Variants in SDCCAG8 observed in about 807,000 individuals in gnomAD.
SDCCAG8 encodes the protein SHH signaling and ciliogenesis regulator SDCCAG8, also known as serologically defined colon cancer antigen 8.
A neutral mutation model predicts 101.8 loss-of-function variants in SDCCAG8; 74 were observed. The observed-to-expected ratio is 0.73, with a 90% confidence interval of 0.60 to 0.88. SDCCAG8 has a LOEUF of 0.88. Among genes scored for constraint, SDCCAG8 ranks in the 40% least tolerant of loss-of-function variants. The pLI is 0.00. For synonymous variants in SDCCAG8, 281 were observed against 292.9 expected, an observed-to-expected ratio of 0.96 and a Z score of 0.41; for missense variants, 787 against 822.6, an observed-to-expected ratio of 0.96 and a Z score of 0.53.
intron 13 of SDCCAG8, among the ~76,000 whole-genome samples, chr1:243,389,987 T>C (rs1558400189): frequency 6.6e-6 from 1 of 152,212 alleles, no homozygotes; most frequent in Non-Finnish European, 1.5e-5. Context: ...TAAAGTTCCC[T>C]TTGCTCTTTA....
chr1:243,418,067 A>G lies in SDCCAG8; in HGVS notation c.1844A>G (p.Gln615Arg), dbSNP rs2080726764. The change falls in exon 15 of 18, where the codon CAA becomes CGA. Residue 615 changes from glutamine (Q) to arginine (R), a missense_variant. By Grantham distance (43) the Gln-to-Arg change is conservative. Transcript: ENST00000366541. ...GCCAAGAAACTGGAACAAATCTCTC[A>G]AAAAACCAGGTAGGTGATGTTATAG... Reference protein sequence around the residue: ...TLAKKLEQISQKTRSEIAQLS... With the variant: ...TLAKKLEQISRKTRSEIAQLS... The G allele has an allele frequency of 6.2e-7, 1 of 1,607,236 alleles. No individual in the cohort carries two copies. The highest frequency in any genetic ancestry group is 1.7e-5 in the Admixed American group (1 of 59,934).
At chr1:243,468,604 T>A (rs890317975) in intron 16 of SDCCAG8, among the ~76,000 whole-genome samples, 4 of 152,190 alleles carry the variant, frequency 2.6e-5, no homozygotes, top group African/African-American at 9.6e-5. Flanking sequence ...GGAGGATCAC[T>A]TGAGCCCAGG....
chr1:243,381,597 A>G (rs1193466118), intron 13 of SDCCAG8, among the ~76,000 whole-genome samples: 1 of 152,180 alleles, frequency 6.6e-6, no homozygotes, highest in African/African-American at 2.4e-5. Flanking sequence ...TCTAAAAAAA[A>G]AAAATGGAAA....
At chr1:243,350,900 C>T (rs1404706436) in intron 12 of SDCCAG8, among the ~76,000 whole-genome samples, 1 of 152,196 alleles carries the variant, frequency 6.6e-6, no homozygotes, top group Admixed American at 6.5e-5. Context: ...CTGGAAGCGT[C>T]CTAGAAAGAC....
At chr1:243,446,505 A>G (rs939261194) in intron 16 of SDCCAG8, among the ~76,000 whole-genome samples, 16 of 152,224 alleles carry the variant, frequency 1.1e-4, no homozygotes, top group Non-Finnish European at 1.8e-4. Flanking sequence ...GGCTCAAGCC[A>G]TCTGCCCACC....
chr1:243,437,174 G>A (rs1267177906), intron 16 of SDCCAG8, among the ~76,000 whole-genome samples: 1 of 152,110 alleles, frequency 6.6e-6, no homozygotes, highest in Non-Finnish European at 1.5e-5. Context: ...TGTGTTTGTT[G>A]CTTTGCCTTA....
chr1:243,490,001 C>T (rs938939337), intron 17 of SDCCAG8, among the ~76,000 whole-genome samples: 1 of 152,186 alleles, frequency 6.6e-6, no homozygotes, highest in African/African-American at 2.4e-5. Context: ...GTGGGCTGAC[C>T]AAGGCCTCCG....
At chr1:243,487,658 A>G (rs548609091) in intron 16 of SDCCAG8, among the ~76,000 whole-genome samples, 6 of 152,270 alleles carry the variant, frequency 3.9e-5, no homozygotes, top group Admixed American at 3.9e-4. Context: ...TGCGGGCAGC[A>G]GGAGGCCCTT....
At chr1:243,363,652 C>T (rs560018174) in intron 12 of SDCCAG8, among the ~76,000 whole-genome samples, 1 of 152,316 alleles carries the variant, frequency 6.6e-6, no homozygotes, top group East Asian at 1.9e-4. Context: ...TTGTCCTAAT[C>T]ATTTACCCTA....
chr1:243,293,250 T>C, intron 6 of SDCCAG8, 31 bp downstream of exon 6: 1 of 1,602,486 alleles, frequency 6.2e-7, no homozygotes, highest in Non-Finnish European at 8.5e-7. Flanking sequence ...CTCTTATACA[T>C]CTTTTTTTTC....
intron 13 of SDCCAG8, among the ~76,000 whole-genome samples, chr1:243,381,365 A>T (rs1391953715): frequency 6.6e-6 from 1 of 152,064 alleles, no homozygotes; most frequent in East Asian, 1.9e-4. Context: ...AAGACAGGGG[A>T]ATCACTTGAG....
intron 12 of SDCCAG8, among the ~76,000 whole-genome samples, chr1:243,362,905 G>T (rs1158189716): frequency 6.6e-6 from 1 of 152,192 alleles, no homozygotes; most frequent in Non-Finnish European, 1.5e-5. Flanking sequence ...GCACGCATCT[G>T]CTGACCTACA....
chr1:243,485,044 A>C (rs941386684), intron 16 of SDCCAG8, among the ~76,000 whole-genome samples: 2 of 121,814 alleles, frequency 1.6e-5, no homozygotes, highest in African/African-American at 6.7e-5. Flanking sequence ...ACTCCATCTC[A>C]AAAAAAAAAA....
rs895243746 is a variant in SDCCAG8 at position 243,312,298 on chromosome 1, C to T, written c.929+4121C>T. ...AACATGGAATGTTTAAAAATGATAC[C>T]TTAAATATGATAAATCAAAAGTTTC... On this transcript the variant is annotated intron_variant, in intron 8 of 17. Transcript: ENST00000366541. Among the ~76,000 whole-genome samples the T allele has an allele frequency of 6.6e-5, 10 of 152,178 alleles. 1 individual carries two copies.
Position 243,315,158 on chromosome 1 carries a change from T to G in SDCCAG8, c.930-1597T>G, listed in dbSNP as rs151253694. Among the ~76,000 whole-genome samples, 217 of 152,342 alleles carry G rather than the reference T, an allele frequency of 1.4e-3. 1 individual carries two copies. The highest frequency in any genetic ancestry group is 5.0e-3 in the African/African-American group (208 of 41,584). On this transcript the variant is annotated intron_variant, in intron 8 of 17. Transcript: ENST00000366541. ...TGACTGTAAGATGCCTATATTGACT[T>G]GCTGTCCTTAAAGAGTGAATTTTTC...
intron 11 of SDCCAG8, among the ~76,000 whole-genome samples, chr1:243,343,734 A>G (rs1383473017): frequency 1.3e-5 from 2 of 152,238 alleles, no homozygotes; most frequent in Non-Finnish European, 2.9e-5. Flanking sequence ...TATCAATAGT[A>G]TATCTATCAG....
intron 16 of SDCCAG8, chr1:243,476,193 G>A (rs1042429480): frequency 2.5e-5 from 25 of 985,356 alleles, no homozygotes; most frequent in East Asian, 2.3e-4. Context: ...TTCAGTTACC[G>A]TGGCAACCAG....
intron 16 of SDCCAG8, among the ~76,000 whole-genome samples, chr1:243,480,409 G>A (rs1384100418): frequency 1.2e-4 from 6 of 52,032 alleles, no homozygotes; most frequent in African/African-American, 1.6e-4. Context: ...GGATGGATGG[G>A]TGGGTGGGAT....
intron 6 of SDCCAG8, among the ~76,000 whole-genome samples, chr1:243,303,765 T>C (rs2071787676): frequency 6.6e-6 from 1 of 152,112 alleles, no homozygotes; most frequent in Non-Finnish European, 1.5e-5. Flanking sequence ...TAATTAAGTT[T>C]TGGGGGAGTC....
Sources: gnomAD v4.1 joint callset for allele counts (sites outside exome capture counted in the v4.1 genomes callset) on GRCh38, gnomAD v4.1.1 for gene constraint, MANE v1.5 for transcripts, NCBI Gene and HGNC (gene_info 2026-07-23, HGNC 2026-07-21) for gene names.